Variants in ENAH observed in about 807,000 individuals in gnomAD.
ENAH encodes ENAH actin regulator.
Under a neutral mutation model 78.7 loss-of-function variants are expected in ENAH, and 23 were observed. That is an observed-to-expected ratio of 0.29 (90% CI 0.21 to 0.41). The LOEUF is 0.41. ENAH is among the 10% of genes least tolerant of loss of function. The pLI, the probability that ENAH is intolerant of heterozygous loss-of-function variation, is 1.00. For missense variants in ENAH, 544 were observed against 691.0 expected (o/e 0.79, Z 2.39); for synonymous variants, 226 against 241.0 (o/e 0.94, Z 0.58).
chr1:225,511,796 T>C lies in ENAH; in HGVS notation c.1471+15A>G. 6.3e-7 allele frequency: 1 copy of C among 1,585,008 alleles called. No homozygotes were observed. The highest frequency in any genetic ancestry group is 8.6e-7 in the Non-Finnish European group (1 of 1,159,084). On this transcript the variant is annotated intron_variant, in intron 10 of 13. Transcript: ENST00000366843. ...AGAAAGTTTATAAAGGTTAAAATATTTATCTTGAACTTACCAGGTGTACTT... is the reference window on the plus strand; with the variant it reads ...AGAAAGTTTATAAAGGTTAAAATATCTATCTTGAACTTACCAGGTGTACTT...
chr1:225,500,983 A>T lies in ENAH; in HGVS notation c.1617+9T>A. On this transcript the variant is annotated intron_variant, in intron 12 of 13. Coordinates refer to ENST00000366843, the MANE Select transcript of ENAH (RefSeq NM_018212.6). ...TACAAATAAAGGAAAGCTGCCACTGAGCACCCACCTGCTTCAGCCTGTCAT... is the reference window on the plus strand; with the variant it reads ...TACAAATAAAGGAAAGCTGCCACTGTGCACCCACCTGCTTCAGCCTGTCAT... 6.2e-7 allele frequency: 1 copy of T among 1,613,360 alleles called. No homozygotes were observed.
intron 1 of ENAH, among the ~76,000 whole-genome samples, chr1:225,578,648 CTAAT>C (rs2096799935): frequency 6.6e-6 from 1 of 152,208 alleles, no homozygotes; most frequent in African/African-American, 2.4e-5. Flanking sequence ...ATATGAAAGA[CTAAT>C]TAACAAAGAT....
At chr1:225,603,153 A>C (rs1450990860) in intron 1 of ENAH, among the ~76,000 whole-genome samples, 2 of 152,148 alleles carry the variant, frequency 1.3e-5, no homozygotes, top group Non-Finnish European at 2.9e-5. Flanking sequence ...TCAATGGCAA[A>C]AACAATAGAA....
intron 3 of ENAH, among the ~76,000 whole-genome samples, chr1:225,532,594 G>A (rs563924327): frequency 1.3e-4 from 20 of 152,054 alleles, no homozygotes; most frequent in Middle Eastern, 6.8e-3. Flanking sequence ...CAAAAAAGAC[G>A]TCAAAATTTC....
chr1:225,537,611 A>C (rs2096568023), intron 3 of ENAH, among the ~76,000 whole-genome samples: 1 of 152,220 alleles, frequency 6.6e-6, no homozygotes, highest in African/African-American at 2.4e-5. Flanking sequence ...CAGGTTGAGT[A>C]AATTCAGTAA....
intron 9 of ENAH, 54 bp downstream of exon 9, chr1:225,512,603 G>A: frequency 6.6e-7 from 1 of 1,520,362 alleles, no homozygotes; most frequent in East Asian, 2.3e-5. Context: ...TCCTGAATGA[G>A]CTGTGCCTGA....
rs186030854 is a variant in ENAH at position 225,524,074 on chromosome 1, C to T, written c.435-4509G>A. Among the ~76,000 whole-genome samples the T allele has an allele frequency of 8.1e-4, 123 of 152,200 alleles. 1 individual carries two copies. The South Asian group carries it at 1.0e-2, about 12-fold the overall frequency. On this transcript the variant is annotated intron_variant, in intron 4 of 13. Coordinates refer to ENST00000366843, the MANE Select transcript of ENAH (RefSeq NM_018212.6). ...ATTTTTTTCAGAAACAATTATAGTG[C>T]AAATCACCAATATTATTTTTTAAGC... is the stretch of plus-strand genomic sequence containing the variant.
At position 225,514,575 on chromosome 1, in the gene ENAH, A is replaced by T. The variant is rs771764322; in HGVS notation, c.1218+21T>A. Reference sequence around the variant, plus strand: ...AGGAAGAATAAGACATATTAAAAAAATTTTTCAGAAAGGTATTTACCCGTG... The same window carrying T: ...AGGAAGAATAAGACATATTAAAAAATTTTTTCAGAAAGGTATTTACCCGTG... On this transcript the variant is annotated intron_variant, in intron 7 of 13. Transcript: ENST00000366843. 5.1e-5 allele frequency: 81 copies of T among 1,601,020 alleles called. No homozygotes were observed. The African/African-American group carries it at 6.2e-4, about 12-fold the overall frequency.
intron 3 of ENAH, among the ~76,000 whole-genome samples, chr1:225,545,106 G>C (rs1375035866): frequency 2.0e-5 from 3 of 152,300 alleles, no homozygotes; most frequent in East Asian, 3.9e-4. Flanking sequence ...ATGTCCTCAT[G>C]GGGGAGGAGA....
intron 1 of ENAH, among the ~76,000 whole-genome samples, chr1:225,593,270 C>G (rs1174818337): frequency 6.6e-6 from 1 of 152,002 alleles, no homozygotes; most frequent in African/African-American, 2.4e-5. Flanking sequence ...CCCCACTACA[C>G]TGCCTATCTT....
intron 1 of ENAH, among the ~76,000 whole-genome samples, chr1:225,611,451 TG>T (rs745780370): frequency 5.3e-5 from 8 of 152,122 alleles, no homozygotes; most frequent in Non-Finnish European, 1.0e-4. Flanking sequence ...CCTGAGTAGC[TG>T]GGACTACAAG....
At position 225,530,504 on chromosome 1, in the gene ENAH, T is replaced by C. The variant is rs2096532831; in HGVS notation, c.434+50A>G. ...ACTTTAAACACAGGATGTTCAGTTT[T>C]GTCTTCTGAAGCATAAAGAAAAAGT... On this transcript the variant is annotated intron_variant, in intron 4 of 13. Coordinates refer to ENST00000366843, the MANE Select transcript of ENAH (RefSeq NM_018212.6). 5 of 1,433,286 alleles carry C rather than the reference T, an allele frequency of 3.5e-6. No individual in the cohort carries two copies. The Admixed American group carries it at 6.7e-5, about 19-fold the overall frequency. The allele number at this position is 1,433,286 out of a possible 1,614,324, so 88.8% of individuals were successfully genotyped here. A position where few individuals can be genotyped will look rare whatever the true frequency, so the allele number is the denominator to read the frequency against.
chr1:225,618,363 C>T (rs1656182082), intron 1 of ENAH, among the ~76,000 whole-genome samples: 1 of 152,134 alleles, frequency 6.6e-6, no homozygotes, highest in Non-Finnish European at 1.5e-5. Context: ...GAAAGGTTCA[C>T]GCATCTCACT....
At chr1:225,526,951 G>GT (rs2151229961) in intron 4 of ENAH, among the ~76,000 whole-genome samples, 1 of 152,304 alleles carries the variant, frequency 6.6e-6, no homozygotes, top group East Asian at 1.9e-4. Context: ...AGGCCCTTAA[G>GT]TAAATGAGCT....
intron 1 of ENAH, among the ~76,000 whole-genome samples, chr1:225,647,797 T>A (rs1174315985): frequency 1.3e-5 from 2 of 152,120 alleles, no homozygotes; most frequent in African/African-American, 4.8e-5. Context: ...AGTCAAACAC[T>A]TACACAGGCC....
At chr1:225,646,748 C>A (rs9651009) in intron 1 of ENAH, among the ~76,000 whole-genome samples, 4 of 151,756 alleles carry the variant, frequency 2.6e-5, no homozygotes, top group African/African-American at 9.7e-5. Flanking sequence ...GAGATCGAGC[C>A]GCTGCAATCC....
At chr1:225,632,777 G>A (rs1659328402) in intron 1 of ENAH, among the ~76,000 whole-genome samples, 3 of 152,192 alleles carry the variant, frequency 2.0e-5, no homozygotes, top group Non-Finnish European at 4.4e-5. Context: ...TGGCGCAGAC[G>A]CCCCCCAGGG....
At chr1:225,535,801 A>C (rs2096558886) in intron 3 of ENAH, among the ~76,000 whole-genome samples, 1 of 152,148 alleles carries the variant, frequency 6.6e-6, no homozygotes, top group Non-Finnish European at 1.5e-5. Flanking sequence ...GCCATAGATC[A>C]AATGATGCAC....
intron 1 of ENAH, among the ~76,000 whole-genome samples, chr1:225,621,825 T>C (rs957988498): frequency 2.3e-4 from 35 of 152,188 alleles, no homozygotes; most frequent in African/African-American, 8.0e-4. Context: ...TTAGTTACTC[T>C]CTGTGACATA....
Sources: allele counts gnomAD v4.1 joint callset (sites outside exome capture counted in the v4.1 genomes callset), GRCh38; gene constraint gnomAD v4.1.1; transcripts MANE v1.5; gene names NCBI Gene and HGNC (gene_info 2026-07-23, HGNC 2026-07-21).